Variants in CWF19L1 observed in about 807,000 individuals in gnomAD.
CWF19L1 encodes CWF19-like protein 1.
A neutral mutation model predicts 69.7 loss-of-function variants in CWF19L1; 60 were observed. That is an observed-to-expected ratio of 0.86 (90% confidence interval 0.70 to 1.07). The LOEUF is 1.07. Among genes scored for constraint, CWF19L1 ranks in the 50% least tolerant of loss-of-function variants. The pLI, the probability that CWF19L1 is intolerant of heterozygous loss-of-function variation, is 0.00. For missense variants in CWF19L1, 591 were observed against 638.9 expected, an observed-to-expected ratio of 0.92 and a Z score of 0.81; for synonymous variants, 209 against 222.2, an observed-to-expected ratio of 0.94 and a Z score of 0.53.
chr10:100,233,498 C>G, intron 13 of CWF19L1, 127 bp from the exon 14 acceptor site: 1 of 836,728 alleles, frequency 1.2e-6, no homozygotes, highest in Non-Finnish European at 1.8e-6. Context: ...CTCTGCCATA[C>G]TATTGATCAA....
Position 100,235,139 on chromosome 10 carries a change from C to T in CWF19L1, c.1472+528G>A, listed in dbSNP as rs561742597. ...AGTGGCTAGTCACAACTGTATTGGACAGTGCAGATATTTGAGCATTTCCAT... is the reference window on the plus strand; with the variant it reads ...AGTGGCTAGTCACAACTGTATTGGATAGTGCAGATATTTGAGCATTTCCAT... On this transcript the variant is annotated intron_variant, in intron 13 of 13. Coordinates refer to ENST00000354105, the MANE Select transcript of CWF19L1 (RefSeq NM_018294.6). Among the ~76,000 whole-genome samples the T allele has an allele frequency of 1.2e-4, 19 of 152,334 alleles. 1 individual carries two copies. The South Asian group carries it at 2.9e-3, about 23-fold the overall frequency.
rs950027180 is a variant in CWF19L1 at position 100,238,287 on chromosome 10, G to A, written c.1045-56C>T. On this transcript the variant is annotated intron_variant, in intron 10 of 13. Coordinates refer to ENST00000354105, the MANE Select transcript of CWF19L1 (RefSeq NM_018294.6). ...CAATACAGCATGTAGGATTCTCCAGGGAGAAAAACCTATACAAAAAGTGAG... is the reference window on the plus strand; with the variant it reads ...CAATACAGCATGTAGGATTCTCCAGAGAGAAAAACCTATACAAAAAGTGAG... The A allele has an allele frequency of 2.6e-6, 4 of 1,538,746 alleles. No homozygotes were observed. In the African/African-American group the frequency reaches 4.1e-5, roughly 16 times the overall value.
At position 100,233,217 on chromosome 10, in the gene CWF19L1, TC is replaced by T; in HGVS notation, c.*9del. ...TCCTGTGGAGTTCATAAAAAGTTCT[TC>T]CCTTTGTTTTAGTCATCCAGAGTAA... On this transcript the variant is annotated 3_prime_UTR_variant, in exon 14 of 14. Transcript: ENST00000354105. 6.3e-7 allele frequency: 1 copy of T among 1,594,118 alleles called. No individual in the cohort carries two copies. The highest frequency in any genetic ancestry group is 8.5e-7 in the Non-Finnish European group (1 of 1,171,366).
intron 10 of CWF19L1, 63 bp downstream of exon 10, chr10:100,243,635 A>G: frequency 7.3e-7 from 1 of 1,367,508 alleles, no homozygotes; most frequent in South Asian, 1.2e-5. Context: ...ATTATGCCTC[A>G]ATAAAGTTAA....
chr10:100,261,441 A>C (rs759297781), intron 2 of CWF19L1, among the ~76,000 whole-genome samples: 2 of 152,250 alleles, frequency 1.3e-5, no homozygotes, highest in Non-Finnish European at 2.9e-5. Context: ...AAAAAACTTA[A>C]AATATTAGAA....
intron 11 of CWF19L1, chr10:100,237,256 C>G (rs1201945996): frequency 1.7e-6 from 1 of 604,734 alleles, no homozygotes; most frequent in Admixed American, 1.9e-5. Flanking sequence ...AGAGTTAGGC[C>G]CATTTGAAAA....
chr10:100,236,289 T>C (rs1173820277), intron 12 of CWF19L1, among the ~76,000 whole-genome samples: 1 of 151,978 alleles, frequency 6.6e-6, no homozygotes, highest in Non-Finnish European at 1.5e-5. Context: ...TTATTTTTTG[T>C]AGAGACAAGG....
intron 10 of CWF19L1, among the ~76,000 whole-genome samples, chr10:100,238,930 T>A (rs1589612023): frequency 1.1e-5 from 1 of 88,360 alleles, no homozygotes; most frequent in South Asian, 3.5e-4. Context: ...AGACTCCGTC[T>A]CCAAAAAAAA....
At chr10:100,253,754 T>C (rs1047763412) in intron 5 of CWF19L1, 24 of 433,702 alleles carry the variant, frequency 5.5e-5, no homozygotes, top group Non-Finnish European at 9.3e-5. Flanking sequence ...TAGGAACAAC[T>C]GTTGGAAGCC....
Position 100,239,873 on chromosome 10 carries a change from A to G in CWF19L1, c.1045-1642T>C, listed in dbSNP as rs949572023. The stretch of plus-strand genomic sequence containing the variant: ...AGTTGATGAAAACCTCACAGGCACT[A>G]AAAACTTTTTTTTATTTGTATAATA... On this transcript the variant is annotated intron_variant, in intron 10 of 13. Coordinates refer to ENST00000354105, the MANE Select transcript of CWF19L1 (RefSeq NM_018294.6). 3.3e-5 allele frequency among the ~76,000 whole-genome samples: 5 copies of G among 152,312 alleles called. No homozygotes were observed. The East Asian group carries it at 9.6e-4, about 29-fold the overall frequency.
chr10:100,245,937 T>C (rs1424785230), intron 8 of CWF19L1, 24 bp from the exon 9 acceptor site: 2 of 1,549,788 alleles, frequency 1.3e-6, no homozygotes, highest in African/African-American at 1.4e-5. Flanking sequence ...AAGCAGAAGA[T>C]TAAATGTTAT....
In CWF19L1 at chr10:100,250,240, AT is replaced by A. The variant is rs771309507; in HGVS notation, c.708+7del. On this transcript the variant is annotated splice_region_variant and intron_variant, in intron 7 of 13. Transcript: ENST00000354105. ...TATCAACCTTCCACCAAATAGGTAA[AT>A]CTTTACCTTTTTCTTTTCTGGATTT... is the stretch of plus-strand genomic sequence containing the variant. 29 of 1,583,708 alleles carry A rather than the reference AT, an allele frequency of 1.8e-5. No homozygotes were observed. In the African/African-American group the frequency reaches 3.6e-4, roughly 20 times the overall value.
At chr10:100,259,672 T>C (rs912642355) in intron 4 of CWF19L1, among the ~76,000 whole-genome samples, 1 of 152,130 alleles carries the variant, frequency 6.6e-6, no homozygotes, top group Non-Finnish European at 1.5e-5. Flanking sequence ...CGCAACGATA[T>C]TGGGGCTAAG....
At chr10:100,238,536 G>T (rs1229861196) in intron 10 of CWF19L1, among the ~76,000 whole-genome samples, 1 of 152,172 alleles carries the variant, frequency 6.6e-6, no homozygotes, top group Non-Finnish European at 1.5e-5. Context: ...AGGGAGACCA[G>T]AACAAATCGC....
chr10:100,245,807 C>T lies in CWF19L1; in HGVS notation c.956G>A (p.Arg319His), dbSNP rs751964727. The T allele has an allele frequency of 5.0e-6, 8 of 1,612,762 alleles. No homozygotes were observed. The highest frequency in any genetic ancestry group is 5.9e-6 in the Non-Finnish European group (7 of 1,178,894). The change falls in exon 9 of 14, where the codon CGC (arginine) becomes CAC (histidine). Residue 319 changes from arginine (R) to histidine (H), a missense_variant. Physicochemically the swap from Arg to His is conservative, Grantham distance 29. Around this residue, in one of 3 missense-constraint regions of CWF19L1, gnomAD observed 458 missense variants for 489.3 expected, o/e 0.94. Coordinates refer to ENST00000354105, the MANE Select transcript of CWF19L1 (RefSeq NM_018294.6). Reference protein sequence around the residue: ...SKSSPHPKQPRKPPQPPGPCW... With the variant: ...SKSSPHPKQPHKPPQPPGPCW... ...GGAATAAAGGTACTTACGAGGTTTGCGAGGCTGCTTTGGATGAGGAGAAGA... is the reference window on the plus strand; with the variant it reads ...GGAATAAAGGTACTTACGAGGTTTGTGAGGCTGCTTTGGATGAGGAGAAGA...
chr10:100,261,930 T>G (rs763596184), intron 2 of CWF19L1, 49 bp downstream of exon 2: 1 of 1,507,608 alleles, frequency 6.6e-7, no homozygotes, highest in South Asian at 1.2e-5. Context: ...TTTATTTTTA[T>G]GTGTGACTAC....
At position 100,253,495 on chromosome 10, in the gene CWF19L1, A is replaced by C; in HGVS notation, c.549T>G (p.Ser183Arg). Reference protein sequence around the residue: ...TKKCGSALVSSLATGLKPRYH... With the variant: ...TKKCGSALVSRLATGLKPRYH... ...ATCTTGGTTTCAAGCCCGTGGCAAGACTGGAAACCAAAGCAGAACCACATT... is the reference window on the plus strand; with the variant it reads ...ATCTTGGTTTCAAGCCCGTGGCAAGCCTGGAAACCAAAGCAGAACCACATT... Residue 183 changes from serine to arginine, a missense_variant, in exon 6 of 14, where the codon AGT (serine) becomes AGG (arginine). Physicochemically the swap from Ser to Arg is moderately radical, Grantham distance 110. Around this residue, in one of 3 missense-constraint regions of CWF19L1, gnomAD observed 458 missense variants for 489.3 expected, o/e 0.94. Transcript: ENST00000354105. 1 of 1,614,170 alleles carries C rather than the reference A, an allele frequency of 6.2e-7. No homozygotes were observed. The highest frequency in any genetic ancestry group is 8.5e-7 in the Non-Finnish European group (1 of 1,179,978).
At chr10:100,237,240 T>C (rs372293421) in intron 11 of CWF19L1, 2 of 639,148 alleles carry the variant, frequency 3.1e-6, no homozygotes, top group Non-Finnish European at 5.9e-6. Context: ...ATATTATATA[T>C]GTGGCAGAGT....
Position 100,250,301 on chromosome 10 carries a change from G to A in CWF19L1, c.655C>T (p.His219Tyr). The change falls in exon 7 of 14, where the codon CAT becomes TAT. Residue 219 changes from histidine to tyrosine, a missense_variant. Coordinates refer to ENST00000354105, the MANE Select transcript of CWF19L1 (RefSeq NM_018294.6). The part of the protein sequence containing the change: ...NHIILQENAQ[H>Y]ATRFIALANV... ...GCCAGAGCTATAAACCGGGTGGCATGCTGTGCATTTTCCTGTAGAATGATA... is the reference window on the plus strand; with the variant it reads ...GCCAGAGCTATAAACCGGGTGGCATACTGTGCATTTTCCTGTAGAATGATA... 6.2e-7 allele frequency: 1 copy of A among 1,612,572 alleles called. No individual in the cohort carries two copies. Among genetic ancestry groups the A allele is most frequent in the Non-Finnish European group, 8.5e-7 (1 of 1,178,776 alleles).
Sources: allele counts gnomAD v4.1 joint callset (sites outside exome capture counted in the v4.1 genomes callset), GRCh38; gene constraint gnomAD v4.1.1; regional missense constraint gnomAD v4.1.1; transcripts MANE v1.5; gene names NCBI Gene and HGNC (gene_info 2026-07-23, HGNC 2026-07-21).